Variants in ARPIN observed in about 807,000 individuals in gnomAD.
ARPIN encodes the protein UPF0552 protein C15orf38.
Under a neutral mutation model 25.9 loss-of-function variants are expected in ARPIN, and 23 were observed. The observed-to-expected ratio is 0.89, with a 90% CI of 0.64 to 1.26. The LOEUF is 1.26. Ranked by LOEUF, ARPIN falls within the 50% of genes most tolerant of loss-of-function variation. The pLI is 0.00. For missense variants in ARPIN, 333 were observed against 312.2 expected (o/e 1.07, Z -0.50); for synonymous variants, 126 against 131.4 (o/e 0.96, Z 0.28).
intron 1 of ARPIN, chr15:89,912,178 G>C (rs1001254199): frequency 1.0e-6 from 1 of 981,368 alleles, no homozygotes; most frequent in African/African-American, 1.8e-5. Flanking sequence ...AGATCACACA[G>C]TATTTGTCTT....
intron 4 of ARPIN, among the ~76,000 whole-genome samples, 162 bp downstream of exon 4, chr15:89,903,615 G>T (rs1897063708): frequency 6.6e-6 from 1 of 152,214 alleles, no homozygotes. Context: ...AATGGCCCTA[G>T]GGCACTTGTG....
At chr15:89,904,035 C>G (rs765108641) in intron 3 of ARPIN, 52 bp from the exon 4 acceptor site, 1 of 1,551,168 alleles carries the variant, frequency 6.4e-7, no homozygotes, top group Non-Finnish European at 8.7e-7. Flanking sequence ...GCAAGAACTT[C>G]CGGAGGGCCT....
chr15:89,912,204 T>A (rs1897236793), intron 1 of ARPIN: 2 of 986,172 alleles, frequency 2.0e-6, no homozygotes, highest in Non-Finnish European at 2.4e-6. Flanking sequence ...ATCTGGCTTA[T>A]TTCACTTAGC....
intron 1 of ARPIN, among the ~76,000 whole-genome samples, chr15:89,911,577 A>G (rs1223345582): frequency 2.0e-5 from 3 of 152,098 alleles, no homozygotes; most frequent in African/African-American, 7.2e-5. Context: ...TCTCTATCCA[A>G]TTCTTCCCCA....
At position 89,902,943 on chromosome 15, in the gene ARPIN, T is replaced by G. The variant is rs115426272; in HGVS notation, c.672+273A>C. On this transcript the variant is annotated intron_variant, in intron 5 of 5. Transcript: ENST00000357484. ...TGTTTTGAGACTTAATGACCATGAT[T>G]AATATCCCTCTGCACCCCCTCCTTC... 175 of 1,388,562 alleles carry G rather than the reference T, an allele frequency of 1.3e-4. No homozygotes were observed. In the African/African-American group the frequency reaches 2.3e-3, roughly 18 times the overall value. The allele number at this position is 1,388,562 out of a possible 1,614,324, so 86.0% of individuals were successfully genotyped here.
intron 1 of ARPIN, chr15:89,912,533 G>A (rs1897243518): frequency 1.5e-6 from 2 of 1,320,754 alleles, no homozygotes; most frequent in Non-Finnish European, 1.9e-6. Flanking sequence ...CAGGCGGGGA[G>A]CTTTAAGCCG....
rs117923605 is a variant in ARPIN at position 89,904,362 on chromosome 15, C to T, written c.302-379G>A. Among the ~76,000 whole-genome samples, 111 of 152,326 alleles carry T rather than the reference C, an allele frequency of 7.3e-4. No individual in the cohort carries two copies. The East Asian group carries it at 0.02, about 28-fold the overall frequency. ...AGCATTCATATGTTTTCACTATTCC[C>T]ATCTTACAGATGAGAAAACTAAGGC... On this transcript the variant is annotated intron_variant, in intron 3 of 5. Transcript: ENST00000357484.
At chr15:89,903,461 C>G in intron 4 of ARPIN, 82 bp from the exon 5 acceptor site, 2 of 1,586,382 alleles carry the variant, frequency 1.3e-6, no homozygotes, top group Non-Finnish European at 1.7e-6. Context: ...GGTGGGGTCC[C>G]CTAGGCCTGG....
chr15:89,907,584 C>G lies in ARPIN; in HGVS notation c.301+696G>C, dbSNP rs146291759. Among the ~76,000 whole-genome samples the G allele has an allele frequency of 2.3e-3, 351 of 152,240 alleles. 2 individuals carry two copies. Among genetic ancestry groups the G allele is most frequent in the African/African-American group, 8.2e-3 (340 of 41,534 alleles). The stretch of plus-strand genomic sequence containing the variant: ...AAGCGCAAAGCAAGCCCTCACCGGA[C>G]ACTGAATCTGCTGGCACCCTGACCT... On this transcript the variant is annotated intron_variant, in intron 3 of 5. Coordinates refer to ENST00000357484, the MANE Select transcript of ARPIN (RefSeq NM_182616.4).
rs188996506 is a variant in ARPIN, at chr15:89,907,182, C to T, written c.301+1098G>A. 1.3e-3 allele frequency among the ~76,000 whole-genome samples: 202 copies of T among 151,770 alleles called. 1 individual carries two copies. Among genetic ancestry groups the T allele is most frequent in the African/African-American group, 4.6e-3 (192 of 41,408 alleles). ...TCCTGGGTTCAAGTGATTCTCCTGC[C>T]TCAGCCTCCCAGATAGCTGGTATTA... On this transcript the variant is annotated intron_variant, in intron 3 of 5. Coordinates refer to ENST00000357484, the MANE Select transcript of ARPIN (RefSeq NM_182616.4).
rs1392245474 is a variant in ARPIN at position 89,898,183 on chromosome 15, T to C, written c.*3612A>G. The C allele has an allele frequency of 4.6e-5, 7 of 151,988 alleles. No individual in the cohort carries two copies. Among genetic ancestry groups the C allele is most frequent in the African/African-American group, 9.7e-5 (4 of 41,380 alleles). 9.4% of individuals were successfully genotyped at this position (151,988 alleles called of 1,614,324 possible). On this transcript the variant is annotated 3_prime_UTR_variant, in exon 6 of 6. Coordinates refer to ENST00000357484, the MANE Select transcript of ARPIN (RefSeq NM_182616.4). ...GCTCAGAGGATTTGCTTGGTTCTGTTTGAAGATACAAAATAACTGTAATTT... is the reference window on the plus strand; with the variant it reads ...GCTCAGAGGATTTGCTTGGTTCTGTCTGAAGATACAAAATAACTGTAATTT...
intron 3 of ARPIN, among the ~76,000 whole-genome samples, chr15:89,906,730 C>G (rs1044151738): frequency 4.6e-5 from 7 of 152,126 alleles, no homozygotes; most frequent in Admixed American, 1.3e-4. Context: ...ACCTCAAAAC[C>G]TTCTCACCCA....
Position 89,912,853 on chromosome 15 carries a change from C to T in ARPIN, c.-18G>A, listed in dbSNP as rs1315526463. On this transcript the variant is annotated 5_prime_UTR_variant, in exon 1 of 6. Transcript: ENST00000357484. ...CGGCTCATTCTCCCGACCGCCCGGG[C>T]ACCCCGGCACAGAGCCGGCGCACTG... 6.6e-7 allele frequency: 1 copy of T among 1,514,572 alleles called. No homozygotes were observed. Among genetic ancestry groups the T allele is most frequent in the Non-Finnish European group, 8.8e-7 (1 of 1,135,304 alleles). The allele number at this position is 1,514,572 out of a possible 1,614,324, so 93.8% of individuals were successfully genotyped here. A position where few individuals can be genotyped will look rare whatever the true frequency, so the allele number is the denominator to read the frequency against.
chr15:89,903,886 G>T lies in ARPIN; in HGVS notation c.399C>A (p.Thr133=), dbSNP rs555855186. The change falls in exon 4 of 6, where the codon ACC becomes ACA. Residue 133 remains threonine (T), a synonymous_variant. Transcript: ENST00000357484. ...TCCAGAACGCCACTGTGTGGTCGGGGGTGAGGCTCTCTGTCAGCGCGAGCA... is the reference window on the plus strand; with the variant it reads ...TCCAGAACGCCACTGTGTGGTCGGGTGTGAGGCTCTCTGTCAGCGCGAGCA... The part of the protein sequence containing the change: ...PELLALTESL[T]PDHTVAFWMP... 1.4e-5 allele frequency: 23 copies of T among 1,614,000 alleles called. No individual in the cohort carries two copies. In the East Asian group the frequency reaches 4.7e-4, roughly 33 times the overall value.
chr15:89,910,614 C>T (rs1897205874), intron 2 of ARPIN, 130 bp downstream of exon 2: 1 of 1,098,338 alleles, frequency 9.1e-7, no homozygotes, highest in Non-Finnish European at 1.3e-6. Context: ...GACCTACTTC[C>T]CACTTGCTTT....
rs1046694776 is a variant in ARPIN at position 89,896,736 on chromosome 15, G to A, written c.*5059C>T. On this transcript the variant is annotated 3_prime_UTR_variant, in exon 6 of 6. Coordinates refer to ENST00000357484, the MANE Select transcript of ARPIN (RefSeq NM_182616.4). The stretch of plus-strand genomic sequence containing the variant: ...CCAGTAGATAAATGGACGAAAGAAC[G>A]AATAACAAAGGGAGAAATACAGCTA... 1 of 152,008 alleles carries A rather than the reference G, an allele frequency of 6.6e-6. No homozygotes were observed. The highest frequency in any genetic ancestry group is 2.4e-5 in the African/African-American group (1 of 41,394). 9.4% of individuals were successfully genotyped at this position (152,008 alleles called of 1,614,324 possible).
In ARPIN at chr15:89,912,855, C is replaced by A; in HGVS notation, c.-20G>T. On this transcript the variant is annotated 5_prime_UTR_variant, in exon 1 of 6. Coordinates refer to ENST00000357484, the MANE Select transcript of ARPIN (RefSeq NM_182616.4). ...GCTCATTCTCCCGACCGCCCGGGCA[C>A]CCCGGCACAGAGCCGGCGCACTGGG... 6.6e-7 allele frequency: 1 copy of A among 1,514,522 alleles called. No homozygotes were observed. The allele number at this position is 1,514,522 out of a possible 1,614,324, so 93.8% of individuals were successfully genotyped here. A position where few individuals can be genotyped will look rare whatever the true frequency, so the allele number is the denominator to read the frequency against.
At chr15:89,909,676 T>C (rs1897189250) in intron 2 of ARPIN, among the ~76,000 whole-genome samples, 2 of 152,162 alleles carry the variant, frequency 1.3e-5, no homozygotes, top group Admixed American at 1.3e-4. Context: ...GGATGAGTTC[T>C]GGGGACAGCC....
chr15:89,909,435 A>G (rs1897185148), intron 2 of ARPIN, among the ~76,000 whole-genome samples: 1 of 152,238 alleles, frequency 6.6e-6, no homozygotes. Context: ...AGTATAGGAA[A>G]TAAAAGCCAA....
Sources: gnomAD v4.1 joint callset for allele counts (sites outside exome capture counted in the v4.1 genomes callset) on GRCh38, gnomAD v4.1.1 for gene constraint, MANE v1.5 for transcripts, NCBI Gene and HGNC (gene_info 2026-07-23, HGNC 2026-07-21) for gene names.